The following NREP variants were observed in gnomAD, a reference collection of about 807,000 sequenced individuals.
NREP encodes neuronal regeneration related protein.
In NREP, 5 loss-of-function variants were observed where a neutral mutation model predicts 8.6. The observed-to-expected ratio is 0.58, with a 90% confidence interval of 0.30 to 1.22. The LOEUF (loss-of-function observed/expected upper bound fraction) is 1.22. Ranked by LOEUF, NREP falls within the 50% of genes most tolerant of loss-of-function variation. The probability of loss-of-function intolerance (pLI) is 0.07; values close to 1 mark genes in which losing one functional copy is unlikely to be tolerated. For missense variants in NREP, 86 were observed against 82.5 expected (o/e 1.04, Z -0.17); for synonymous variants, 27 against 28.0 (o/e 0.96, Z 0.11).
At chr5:111,837,307 A>G (rs539600457) in intron 2 of NREP, among the ~76,000 whole-genome samples, 1 of 152,118 alleles carries the variant, frequency 6.6e-6, no homozygotes, top group African/African-American at 2.4e-5. Context: ...GAAAGCAGAA[A>G]GTTTTTCAGG....
intron 3 of NREP, chr5:111,734,713 T>C (rs1406747685): frequency 1.4e-6 from 1 of 700,910 alleles, no homozygotes. Context: ...AGAAATTTTA[T>C]TTTCAGTGGA....
At chr5:111,786,596 G>C (rs973835342) in intron 2 of NREP, among the ~76,000 whole-genome samples, 9 of 152,168 alleles carry the variant, frequency 5.9e-5, no homozygotes, top group Non-Finnish European at 1.5e-5. Flanking sequence ...AAAGATTTGA[G>C]AAGCCTTTCC....
chr5:111,792,305 CTTAT>C (rs1751767626), intron 2 of NREP, among the ~76,000 whole-genome samples: 1 of 152,012 alleles, frequency 6.6e-6, no homozygotes, highest in African/African-American at 2.4e-5. Context: ...TTTGTGTTGT[CTTAT>C]TTAGACTCTG....
chr5:111,935,138 C>A (rs2112605733), intron 2 of NREP, among the ~76,000 whole-genome samples: 1 of 152,178 alleles, frequency 6.6e-6, no homozygotes, highest in Non-Finnish European at 1.5e-5. Flanking sequence ...AATATTTCCC[C>A]ACTGTCTCCT....
At chr5:111,778,539 A>AGC (rs1399052024) in intron 2 of NREP, among the ~76,000 whole-genome samples, 1 of 152,174 alleles carries the variant, frequency 6.6e-6, no homozygotes, top group African/African-American at 2.4e-5. Context: ...TTATACATGA[A>AGC]GCTTTACATG....
intron 2 of NREP, among the ~76,000 whole-genome samples, chr5:111,828,319 G>A (rs1752677120): frequency 6.6e-6 from 1 of 152,084 alleles, no homozygotes; most frequent in African/African-American, 2.4e-5. Context: ...GTGAGACACC[G>A]CGCCCGGCCG....
At chr5:111,792,509 ACAAAAGGAC>A (rs752926818) in intron 2 of NREP, among the ~76,000 whole-genome samples, 102 of 152,354 alleles carry the variant, frequency 6.7e-4, no homozygotes, top group South Asian at 2.7e-3. Context: ...TTGATTTCTT[ACAAAAGGAC>A]ATGGTTTTAA....
At chr5:111,742,575 G>A (rs1276017204) in intron 2 of NREP, among the ~76,000 whole-genome samples, 2 of 151,930 alleles carry the variant, frequency 1.3e-5, no homozygotes, top group African/African-American at 4.8e-5. Context: ...CTTTCAAGGG[G>A]GGCAAGAAAT....
chr5:111,787,023 T>G (rs2112889202), intron 2 of NREP, among the ~76,000 whole-genome samples: 1 of 152,334 alleles, frequency 6.6e-6, no homozygotes, highest in South Asian at 2.1e-4. Flanking sequence ...GTTGATGGTC[T>G]TTGAGAAAAA....
intron 2 of NREP, among the ~76,000 whole-genome samples, chr5:111,924,673 C>T (rs1369454223): frequency 1.3e-5 from 2 of 152,072 alleles, no homozygotes; most frequent in Non-Finnish European, 2.9e-5. Flanking sequence ...TCTGAGGAGG[C>T]CTTTCTTCTT....
chr5:111,949,506 T>C (rs1756092446), intron 2 of NREP, among the ~76,000 whole-genome samples: 1 of 152,106 alleles, frequency 6.6e-6, no homozygotes, highest in African/African-American at 2.4e-5. Flanking sequence ...TTACTTTAAG[T>C]TCTGGGATAC....
chr5:111,927,651 T>A (rs962494539), intron 2 of NREP, among the ~76,000 whole-genome samples: 1 of 152,178 alleles, frequency 6.6e-6, no homozygotes, highest in Non-Finnish European at 1.5e-5. Context: ...AATGCACAGT[T>A]CACTTTTCCC....
chr5:111,969,890 T>C (rs948067394), intron 2 of NREP, among the ~76,000 whole-genome samples: 1 of 152,168 alleles, frequency 6.6e-6, no homozygotes, highest in Non-Finnish European at 1.5e-5. Flanking sequence ...TGGGGACTAG[T>C]GAAGGAAAGT....
At chr5:111,893,688 C>T (rs530306822) in intron 2 of NREP, among the ~76,000 whole-genome samples, 1 of 149,968 alleles carries the variant, frequency 6.7e-6, no homozygotes, top group East Asian at 2.0e-4. Context: ...TATATTTAAC[C>T]CTTAAGATAG....
chr5:111,794,815 T>A (rs1226746448), intron 2 of NREP, among the ~76,000 whole-genome samples: 1 of 152,110 alleles, frequency 6.6e-6, no homozygotes. Flanking sequence ...TGAACCCTAA[T>A]GTAAACGATG....
rs1581015060 is a variant in NREP, at chr5:111,730,763, G to A, written c.*158C>T. On this transcript the variant is annotated 3_prime_UTR_variant, in exon 4 of 4. Transcript: ENST00000257435. Reference sequence around the variant, plus strand: ...CAGAATGATTAAAAACTGGTTTGATGACACCTATTTGTCCACTGTAAATTC... The same window carrying A: ...CAGAATGATTAAAAACTGGTTTGATAACACCTATTTGTCCACTGTAAATTC... The A allele has an allele frequency of 3.9e-6, 3 of 779,030 alleles. No individual in the cohort carries two copies. In the East Asian group the frequency reaches 7.7e-5, roughly 20 times the overall value. The allele number at this position is 779,030 out of a possible 1,614,324, so 48.3% of individuals were successfully genotyped here. A position where few individuals can be genotyped will look rare whatever the true frequency, so the allele number is the denominator to read the frequency against.
chr5:111,759,907 G>C (rs1750921269), upstream of NREP, among the ~76,000 whole-genome samples: 1 of 152,104 alleles, frequency 6.6e-6, no homozygotes, highest in African/African-American at 2.4e-5. Flanking sequence ...ACGGGATAAA[G>C]GCCATATTTT....
intron 2 of NREP, among the ~76,000 whole-genome samples, chr5:111,910,935 T>C (rs1754895904): frequency 1.3e-5 from 2 of 152,048 alleles, no homozygotes; most frequent in African/African-American, 2.4e-5. Flanking sequence ...ACTAGAAGCT[T>C]CAGAGAGGCA....
chr5:111,734,671 G>A (rs930945176), intron 3 of NREP: 10 of 690,664 alleles, frequency 1.4e-5, no homozygotes, highest in African/African-American at 8.8e-5. Context: ...AGGACTCACC[G>A]TTAGTCAATT....
Sources: allele counts gnomAD v4.1 joint callset (sites outside exome capture counted in the v4.1 genomes callset), GRCh38; gene constraint gnomAD v4.1.1; transcripts MANE v1.5; gene names NCBI Gene and HGNC (gene_info 2026-07-23, HGNC 2026-07-21).